LRRFIP1: variants seen among roughly 807,000 people sequenced by gnomAD.
LRRFIP1 encodes the protein leucine-rich repeat flightless-interacting protein 1.
In LRRFIP1, 62 loss-of-function variants were observed where a neutral mutation model predicts 104.4. The ratio of observed to expected loss-of-function variants is 0.59; its 90% CI spans 0.48 to 0.73. The LOEUF (loss-of-function observed/expected upper bound fraction) is 0.73, where lower values mean the gene tolerates loss of function less well. Ranked by LOEUF, LRRFIP1 falls within the 30% of genes least tolerant of loss-of-function variation. LRRFIP1 has a pLI of 0.00. For missense variants in LRRFIP1, 796 were observed against 824.5 expected (o/e 0.97, Z 0.42); for synonymous variants, 300 against 299.0 (o/e 1.00, Z -0.03).
chr2:237,639,681 T>C lies in LRRFIP1; in HGVS notation c.96+11941T>C, dbSNP rs186240007. 1.6e-3 allele frequency among the ~76,000 whole-genome samples: 240 copies of C among 152,272 alleles called. 1 individual carries two copies. The highest frequency in any genetic ancestry group is 5.6e-3 in the African/African-American group (231 of 41,554). The stretch of plus-strand genomic sequence containing the variant: ...GGCTCCAGAGGAATTGCCACATGAG[T>C]TGAGATGAGGTGATGACCACATGGT... On this transcript the variant is annotated intron_variant, in intron 1 of 23. Transcript: ENST00000308482.
chr2:237,734,617 T>TA (rs1447544672), intron 9 of LRRFIP1, among the ~76,000 whole-genome samples: 1 of 152,160 alleles, frequency 6.6e-6, no homozygotes, highest in Non-Finnish European at 1.5e-5. Flanking sequence ...ATTGCATACT[T>TA]ATGTGTTTGA....
rs562072524 is a variant in LRRFIP1, at chr2:237,780,709, G to A, written c.*1177G>A. 2.1e-4 allele frequency among the ~76,000 whole-genome samples: 32 copies of A among 152,252 alleles called. No individual in the cohort carries two copies. The highest frequency in any genetic ancestry group is 7.5e-4 in the African/African-American group (31 of 41,534). On this transcript the variant is annotated 3_prime_UTR_variant, in exon 24 of 24. Coordinates refer to ENST00000308482, the MANE Select transcript of LRRFIP1 (RefSeq NM_001137550.2). ...AACACATGGAGAATGCTGGAGTGAG[G>A]GTTGTGAGTTCAGGGTATATAATCA...
At chr2:237,720,972 A>G in intron 6 of LRRFIP1, 150 bp downstream of exon 6, 1 of 670,554 alleles carries the variant, frequency 1.5e-6, no homozygotes. Context: ...AAATCAAATC[A>G]ATGGGGGATG....
chr2:237,750,637 G>A (rs916600463), intron 13 of LRRFIP1, among the ~76,000 whole-genome samples: 2 of 152,070 alleles, frequency 1.3e-5, no homozygotes, highest in African/African-American at 4.8e-5. Flanking sequence ...CGCCTGGCCT[G>A]TTGTTTCCGT....
At chr2:237,656,919 T>C (rs934917745) in intron 1 of LRRFIP1, among the ~76,000 whole-genome samples, 2 of 152,258 alleles carry the variant, frequency 1.3e-5, no homozygotes, top group Non-Finnish European at 2.9e-5. Flanking sequence ...TAATGTGACA[T>C]TCTGTGGAAT....
chr2:237,634,858 A>G (rs890920838), intron 1 of LRRFIP1, among the ~76,000 whole-genome samples: 1 of 152,290 alleles, frequency 6.6e-6, no homozygotes, highest in Middle Eastern at 3.4e-3. Context: ...TCAAAATGCT[A>G]TGTTCTATAT....
rs886818382 is a variant in LRRFIP1 at position 237,708,857 on chromosome 2, A to G, written c.183+227A>G. On this transcript the variant is annotated intron_variant, in intron 2 of 23. Transcript: ENST00000308482. ...CTGCTGGCTCCTGAGAGGGGCTTAG[A>G]AGCCTCTTGCCTGCGCAGATCGTCG... 1.0e-5 allele frequency: 7 copies of G among 670,430 alleles called. No homozygotes were observed. The African/African-American group carries it at 1.2e-4, about 12-fold the overall frequency. 41.5% of individuals were successfully genotyped at this position (670,430 alleles called of 1,614,324 possible).
chr2:237,777,732 T>A (rs2061209361), intron 23 of LRRFIP1, among the ~76,000 whole-genome samples: 1 of 152,160 alleles, frequency 6.6e-6, no homozygotes, highest in South Asian at 2.1e-4. Flanking sequence ...TTTTTAAAAA[T>A]TGATTTTGGA....
intron 1 of LRRFIP1, among the ~76,000 whole-genome samples, chr2:237,641,120 C>T (rs2083895286): frequency 6.6e-6 from 1 of 151,802 alleles, no homozygotes; most frequent in South Asian, 2.1e-4. Flanking sequence ...AAATGGTATT[C>T]CTCCCAGCAC....
intron 1 of LRRFIP1, among the ~76,000 whole-genome samples, chr2:237,659,972 T>G (rs917948205): frequency 6.6e-6 from 1 of 152,214 alleles, no homozygotes; most frequent in Admixed American, 6.5e-5. Flanking sequence ...AAATATTTCG[T>G]GTAAGTTACA....
chr2:237,709,698 CGCTCCATGTAGAAACCT>C (rs1476170374), intron 2 of LRRFIP1, among the ~76,000 whole-genome samples: 2 of 152,144 alleles, frequency 1.3e-5, no homozygotes, highest in Non-Finnish European at 2.9e-5. Context: ...AGGAGTTTGC[CGCTCCATGTAGAAACCT>C]GCATGCAGAG....
At position 237,700,263 on chromosome 2, in the gene LRRFIP1, C is replaced by A. The variant is rs75627395; in HGVS notation, c.97-8281C>A. Among the ~76,000 whole-genome samples the A allele has an allele frequency of 3.7e-3, 558 of 152,230 alleles. 4 individuals carry two copies. Among genetic ancestry groups the A allele is most frequent in the African/African-American group, 0.013 (534 of 41,546 alleles). ...GATCCCGTGTCACAGCCTGGGTACA[C>A]CACGGCCCCTCCAGGAGCTTGATTC... On this transcript the variant is annotated intron_variant, in intron 1 of 23. Coordinates refer to ENST00000308482, the MANE Select transcript of LRRFIP1 (RefSeq NM_001137550.2).
chr2:237,761,822 A>G (rs1328488514), intron 19 of LRRFIP1, among the ~76,000 whole-genome samples: 1 of 152,240 alleles, frequency 6.6e-6, no homozygotes. Context: ...ACATAGTACC[A>G]TATCTAATCT....
intron 1 of LRRFIP1, among the ~76,000 whole-genome samples, chr2:237,688,020 C>T (rs760809572): frequency 1.3e-5 from 2 of 152,214 alleles, no homozygotes; most frequent in South Asian, 2.1e-4. Flanking sequence ...GTTCCTAGAA[C>T]AAAATTAGAC....
At position 237,755,223 on chromosome 2, in the gene LRRFIP1, G is replaced by A. The variant is rs1218578209; in HGVS notation, c.1039-872G>A. Among the ~76,000 whole-genome samples, 3 of 152,324 alleles carry A rather than the reference G, an allele frequency of 2.0e-5. No individual in the cohort carries two copies. The South Asian group carries it at 6.2e-4, about 32-fold the overall frequency. On this transcript the variant is annotated intron_variant, in intron 15 of 23. Coordinates refer to ENST00000308482, the MANE Select transcript of LRRFIP1 (RefSeq NM_001137550.2). ...CAGCTTCCTGGGCTGAGCCTCAGGT[G>A]GGGAGGCCAGGCCTGAGGAGCAGCT...
rs1381384018 is a variant in LRRFIP1 at position 237,661,486 on chromosome 2, A to G, written c.96+33746A>G. Among the ~76,000 whole-genome samples the G allele has an allele frequency of 1.3e-5, 2 of 152,048 alleles. No individual in the cohort carries two copies. Among genetic ancestry groups the G allele is most frequent in the Non-Finnish European group, 2.9e-5 (2 of 67,974 alleles). ...CTCCCCAGACTCCCTCCTTCCTTCC[A>G]GATGTGAGCAAATCCCTTTCCTTCC... On this transcript the variant is annotated intron_variant, in intron 1 of 23. Coordinates refer to ENST00000308482, the MANE Select transcript of LRRFIP1 (RefSeq NM_001137550.2). This position sits in a 1 kb window ranked among gnomAD's most constrained non-coding sequence, Gnocchi z 4.4.
At chr2:237,683,909 G>A (rs2092097915) in intron 1 of LRRFIP1, among the ~76,000 whole-genome samples, 1 of 152,008 alleles carries the variant, frequency 6.6e-6, no homozygotes, top group African/African-American at 2.4e-5. Context: ...GTATGCTATG[G>A]GTACTGTTTA....
intron 5 of LRRFIP1, 111 bp downstream of exon 5, chr2:237,719,678 CTT>C: frequency 1.1e-5 from 7 of 661,506 alleles, no homozygotes; most frequent in Non-Finnish European, 1.3e-5. Flanking sequence ...GATATCATCT[CTT>C]AAAGAAATTA....
At chr2:237,638,328 A>T (rs1192635991) in intron 1 of LRRFIP1, among the ~76,000 whole-genome samples, 1 of 152,182 alleles carries the variant, frequency 6.6e-6, no homozygotes, top group Non-Finnish European at 1.5e-5. Flanking sequence ...TCTTAAGAGA[A>T]TCTAATGCTG....
Sources: allele counts gnomAD v4.1 joint callset (sites outside exome capture counted in the v4.1 genomes callset), GRCh38; gene constraint gnomAD v4.1.1; non-coding constraint Gnocchi (gnomAD v3.1); transcripts MANE v1.5; gene names NCBI Gene and HGNC (gene_info 2026-07-23, HGNC 2026-07-21).